Variants in U2SURP observed in about 807,000 individuals in gnomAD.
U2SURP encodes the protein U2 snRNP-associated SURP motif-containing protein.
U2SURP carries 9 observed loss-of-function variants against 144.9 expected under a neutral mutation model. That is an observed-to-expected ratio of 0.06 (90% confidence interval 0.04 to 0.11). The LOEUF is 0.11. Ranked by LOEUF, U2SURP falls within the 10% of genes least tolerant of loss-of-function variation. U2SURP has a pLI of 1.00. For missense variants in U2SURP, 724 were observed against 1,226.7 expected (o/e 0.59, Z 6.12); for synonymous variants, 408 against 396.8 (o/e 1.03, Z -0.33).
chr3:143,003,312 G>T (rs1184833195), intron 1 of U2SURP, among the ~76,000 whole-genome samples: 1 of 152,170 alleles, frequency 6.6e-6, no homozygotes, highest in Non-Finnish European at 1.5e-5. Context: ...CTAATTTGGA[G>T]GCTGCATAAT....
At chr3:143,006,666 T>TGGGAGGCGGAGGTTGCC (rs1416207870) in intron 1 of U2SURP, among the ~76,000 whole-genome samples, 2 of 152,032 alleles carry the variant, frequency 1.3e-5, no homozygotes, top group African/African-American at 4.8e-5. Context: ...CGCTTGAACC[T>TGGGAGGCGGAGGTTGCC]GGGAGGCGGA....
At position 143,024,011 on chromosome 3, in the gene U2SURP, A is replaced by G; in HGVS notation, c.1267A>G (p.Thr423Ala). The G allele has an allele frequency of 6.2e-7, 1 of 1,612,764 alleles. No individual in the cohort carries two copies. Among genetic ancestry groups the G allele is most frequent in the Non-Finnish European group, 8.5e-7 (1 of 1,178,950 alleles). ...SQAIVKVVIP[T>A]ERNLLALIHR... ...AGCCATAGTCAAAGTGGTTATCCCA[A>G]CAGAAAGGTACATGTTTTTCTTTAT... The change falls in exon 13 of 28, where the codon ACA (threonine) becomes GCA (alanine). Residue 423 changes from threonine (T) to alanine (A), a missense_variant. By Grantham distance (58) the Thr-to-Ala change is moderately conservative. Transcript: ENST00000473835.
intron 1 of U2SURP, among the ~76,000 whole-genome samples, chr3:143,008,906 G>T (rs946739462): frequency 3.3e-5 from 5 of 152,078 alleles, no homozygotes; most frequent in Non-Finnish European, 5.9e-5. Flanking sequence ...GACTACAGGC[G>T]CCTGGCTAAT....
In U2SURP at chr3:143,058,743, A is replaced by G. The variant is rs1935259141; in HGVS notation, c.*2293A>G. 1 of 151,878 alleles carries G rather than the reference A, an allele frequency of 6.6e-6. No homozygotes were observed. The highest frequency in any genetic ancestry group is 2.4e-5 in the African/African-American group (1 of 41,418). 9.4% of individuals were successfully genotyped at this position (151,878 alleles called of 1,614,324 possible). On this transcript the variant is annotated 3_prime_UTR_variant, in exon 28 of 28. Transcript: ENST00000473835. ...GAAGATATTCTACCATATTTTTATA[A>G]TAGCTTATTATTCATGTTTCTTGTC...
chr3:143,044,289 CTTTTTT>C (rs56916268), intron 24 of U2SURP, among the ~76,000 whole-genome samples: 1 of 81,388 alleles, frequency 1.2e-5, no homozygotes, highest in African/African-American at 5.8e-5. Context: ...CTCCCCTCTC[CTTTTTT>C]TTTTTTTTTT....
At chr3:143,020,859 A>T (rs1171243616) in intron 8 of U2SURP, among the ~76,000 whole-genome samples, 166 bp downstream of exon 8, 2 of 151,772 alleles carry the variant, frequency 1.3e-5, no homozygotes, top group Non-Finnish European at 2.9e-5. Flanking sequence ...TTAATTTGTA[A>T]ATTAGGCACA....
At chr3:143,029,951 C>T (rs1933383594) in intron 16 of U2SURP, among the ~76,000 whole-genome samples, 1 of 152,210 alleles carries the variant, frequency 6.6e-6, no homozygotes. Context: ...AAGGCCCACT[C>T]TCTTCAATTC....
At chr3:143,048,421 T>C (rs1934659128) in intron 24 of U2SURP, among the ~76,000 whole-genome samples, 1 of 152,216 alleles carries the variant, frequency 6.6e-6, no homozygotes, top group African/African-American at 2.4e-5. Context: ...GGAAGAGTCA[T>C]CTTGGTCACG....
chr3:143,018,381 C>G (rs1936478762), intron 6 of U2SURP, among the ~76,000 whole-genome samples: 1 of 152,090 alleles, frequency 6.6e-6, no homozygotes, highest in Non-Finnish European at 1.5e-5. Flanking sequence ...GTACTTCATT[C>G]CTTTTTGTGG....
chr3:143,029,375 GCTTA>G (rs1043548614), intron 16 of U2SURP, among the ~76,000 whole-genome samples: 2 of 152,148 alleles, frequency 1.3e-5, no homozygotes, highest in East Asian at 1.9e-4. Flanking sequence ...AACAGCATGT[GCTTA>G]CTTCATGTCT....
At chr3:143,043,369 T>TA (rs1934221531) in intron 24 of U2SURP, 93 bp downstream of exon 24, 4 of 1,290,864 alleles carry the variant, frequency 3.1e-6, no homozygotes, top group Non-Finnish European at 4.2e-6. Context: ...CCGTAGTACA[T>TA]ACTGTTCCTT....
chr3:143,035,953 A>G, intron 19 of U2SURP, 29 bp from the exon 20 acceptor site: 1 of 1,567,638 alleles, frequency 6.4e-7, no homozygotes, highest in Middle Eastern at 1.7e-4. Context: ...CCAAAATAAA[A>G]GTTTGTTGTC....
At position 143,038,089 on chromosome 3, in the gene U2SURP, G is replaced by T. The variant is rs748959657; in HGVS notation, c.2222-19G>T. 7 of 1,575,690 alleles carry T rather than the reference G, an allele frequency of 4.4e-6. No homozygotes were observed. In the South Asian group the frequency reaches 7.1e-5, roughly 16 times the overall value. ...CATCCACTAGTAGTCAGGGTTAATG[G>T]CTTATCTTTCCCTAATAGTGGATGC... is the stretch of plus-strand genomic sequence containing the variant. On this transcript the variant is annotated intron_variant, in intron 21 of 27. Transcript: ENST00000473835.
chr3:143,010,927 C>A, intron 2 of U2SURP, 68 bp downstream of exon 2: 1 of 1,157,012 alleles, frequency 8.6e-7, no homozygotes, highest in Non-Finnish European at 1.2e-6. Flanking sequence ...TGTATCCCTA[C>A]ATCAATGATT....
At chr3:143,046,324 T>TA (rs1270091783) in intron 24 of U2SURP, among the ~76,000 whole-genome samples, 2 of 147,876 alleles carry the variant, frequency 1.4e-5, no homozygotes, top group African/African-American at 4.9e-5. Flanking sequence ...TTTTTTTATT[T>TA]TTTATTTTTT....
intron 24 of U2SURP, among the ~76,000 whole-genome samples, chr3:143,048,087 G>A (rs1934638831): frequency 6.6e-6 from 1 of 152,234 alleles, no homozygotes; most frequent in Admixed American, 6.5e-5. Flanking sequence ...ATCACTTTCT[G>A]TCCTGGTCCC....
At chr3:143,052,032 A>G (rs1408511338) in intron 25 of U2SURP, among the ~76,000 whole-genome samples, 1 of 152,162 alleles carries the variant, frequency 6.6e-6, no homozygotes, top group East Asian at 1.9e-4. Context: ...TCTGCTTAGC[A>G]CCACTGTTTA....
rs548298336 is a variant in U2SURP at position 143,034,931 on chromosome 3, A to T, written c.1897A>T (p.Thr633Ser). 4 of 1,604,390 alleles carry T rather than the reference A, an allele frequency of 2.5e-6. No homozygotes were observed. The highest frequency in any genetic ancestry group is 3.4e-6 in the Non-Finnish European group (4 of 1,175,298). ...LCQIFSDLNATYRTIQGHLQS... is the reference protein window; with the variant it reads ...LCQIFSDLNASYRTIQGHLQS... The stretch of plus-strand genomic sequence containing the variant: ...TCAGATATTTTCAGACCTCAATGCC[A>T]CCTATCGTACAATTCAAGGCCATTT... The change falls in exon 19 of 28, where the codon ACC (threonine) becomes TCC (serine). Residue 633 changes from threonine to serine, a missense_variant. By Grantham distance (58) the Thr-to-Ser change is moderately conservative (BLOSUM62 1). This residue lies in a region of U2SURP where 116 missense variants were observed against 167.9 expected (regional missense o/e 0.69). Coordinates refer to ENST00000473835, the MANE Select transcript of U2SURP (RefSeq NM_001080415.2).
chr3:143,029,348 G>A (rs745501092), intron 16 of U2SURP, among the ~76,000 whole-genome samples: 2 of 152,146 alleles, frequency 1.3e-5, no homozygotes, highest in African/African-American at 4.8e-5. Flanking sequence ...AAACAAATCT[G>A]TTGTCATTAT....
Sources: allele counts gnomAD v4.1 joint callset (sites outside exome capture counted in the v4.1 genomes callset), GRCh38; gene constraint gnomAD v4.1.1; regional missense constraint gnomAD v4.1.1; transcripts MANE v1.5; gene names NCBI Gene and HGNC (gene_info 2026-07-23, HGNC 2026-07-21).